AGAP3: variants seen among roughly 807,000 people sequenced by gnomAD.
The protein encoded by AGAP3 is arf-GAP with GTPase, ANK repeat and PH domain-containing protein 3.
AGAP3 carries 24 observed loss-of-function variants against 96.9 expected under a neutral mutation model. That is an observed-to-expected ratio of 0.25 (90% CI 0.18 to 0.35). The LOEUF (loss-of-function observed/expected upper bound fraction) is 0.35, where lower values mean the gene tolerates loss of function less well. AGAP3 is among the 10% of genes least tolerant of loss of function. The pLI, the probability that AGAP3 is intolerant of heterozygous loss-of-function variation, is 1.00. For missense variants in AGAP3, 876 were observed against 1,254.2 expected, an observed-to-expected ratio of 0.70 and a Z score of 4.55; for synonymous variants, 563 against 536.1, an observed-to-expected ratio of 1.05 and a Z score of -0.69.
intron 5 of AGAP3, 180 bp downstream of exon 5, chr7:151,117,957 C>T: frequency 1.1e-6 from 1 of 949,658 alleles, no homozygotes; most frequent in South Asian, 1.8e-5. Context: ...CCACTGAAAC[C>T]TGCTGTCCCT....
At chr7:151,115,026 C>T (rs1226998443) in intron 1 of AGAP3, 1 of 991,512 alleles carries the variant, frequency 1.0e-6, no homozygotes, top group Non-Finnish European at 1.2e-6. Context: ...GCGCCTCGGC[C>T]GCCGGGGCCT....
intron 9 of AGAP3, among the ~76,000 whole-genome samples, chr7:151,126,998 G>A (rs951782363): frequency 6.6e-6 from 1 of 152,214 alleles, no homozygotes; most frequent in Non-Finnish European, 1.5e-5. Flanking sequence ...AATGTGAAAC[G>A]TGCTGGAAAG....
rs1041405549 is a variant in AGAP3, at chr7:151,133,777, C to T, written c.1327-623C>T. Among the ~76,000 whole-genome samples, 1 of 152,144 alleles carries T rather than the reference C, an allele frequency of 6.6e-6. No individual in the cohort carries two copies. Among genetic ancestry groups the T allele is most frequent in the South Asian group, 2.1e-4 (1 of 4,826 alleles). On this transcript the variant is annotated intron_variant, in intron 10 of 17. Coordinates refer to ENST00000397238, the MANE Select transcript of AGAP3 (RefSeq NM_031946.7). This position sits in a 1 kb window ranked among gnomAD's most constrained non-coding sequence, Gnocchi z 5.4. ...GCTGTAGGATGGTAAATACCCTGCA[C>T]GCGACAGGCAGATGACATGACGGCG...
chr7:151,121,275 C>T (rs1383100252), intron 8 of AGAP3, among the ~76,000 whole-genome samples: 1 of 152,158 alleles, frequency 6.6e-6, no homozygotes, highest in African/African-American at 2.4e-5. Flanking sequence ...TGCAGCTGCC[C>T]GGCCCTGACC....
chr7:151,109,289 G>C (rs57938816), intron 1 of AGAP3, among the ~76,000 whole-genome samples: 3,011 of 152,328 alleles, frequency 0.02, 104 homozygotes, highest in African/African-American at 0.069. Flanking sequence ...CTTGAGCTTA[G>C]GAAGTCGAGG....
chr7:151,131,941 C>A (rs1800419933), intron 10 of AGAP3, among the ~76,000 whole-genome samples: 1 of 152,220 alleles, frequency 6.6e-6, no homozygotes, highest in African/African-American at 2.4e-5. Context: ...TTTGGCCCAG[C>A]CAGCTGTTGA....
chr7:151,115,190 C>G (rs1349239819), intron 1 of AGAP3: 5 of 1,008,702 alleles, frequency 5.0e-6, no homozygotes, highest in Non-Finnish European at 5.9e-6. Flanking sequence ...TGGCGGCCGC[C>G]GAGGCGCCGG....
At chr7:151,087,250 C>G (rs528052532) in intron 1 of AGAP3, 178 bp downstream of exon 1, 7 of 675,764 alleles carry the variant, frequency 1.0e-5, no homozygotes, top group Middle Eastern at 2.5e-4. Context: ...TTCGCCATAT[C>G]TCGTTCGGGG....
chr7:151,093,332 G>C (rs1003925117), intron 1 of AGAP3, among the ~76,000 whole-genome samples: 2 of 152,168 alleles, frequency 1.3e-5, no homozygotes, highest in South Asian at 4.2e-4. Flanking sequence ...GTAGAGATGG[G>C]GTCTTGCTAT....
At chr7:151,115,651 C>G in intron 1 of AGAP3, 1 of 1,163,588 alleles carries the variant, frequency 8.6e-7, no homozygotes, top group Non-Finnish European at 1.1e-6. Context: ...GGTAAGGGGG[C>G]GGGCCTGGGG....
At chr7:151,098,763 T>C (rs1798714351) in intron 1 of AGAP3, among the ~76,000 whole-genome samples, 1 of 148,474 alleles carries the variant, frequency 6.7e-6, no homozygotes, top group South Asian at 2.2e-4. Context: ...GAGACAGTCT[T>C]GCTGTGTCAC....
intron 1 of AGAP3, among the ~76,000 whole-genome samples, chr7:151,098,960 T>A (rs1798724469): frequency 6.6e-6 from 1 of 151,664 alleles, no homozygotes; most frequent in Admixed American, 6.6e-5. Context: ...GGTCTCGAAC[T>A]CCTGACCACA....
chr7:151,123,596 C>T (rs1800023600), intron 8 of AGAP3, 198 bp from the exon 9 acceptor site: 1 of 1,431,652 alleles, frequency 7.0e-7, no homozygotes, highest in African/African-American at 1.4e-5. Flanking sequence ...ACCTGTGCTG[C>T]TCTGTATGGT....
chr7:151,116,582 G>A (rs1472924211), intron 1 of AGAP3: 2 of 600,516 alleles, frequency 3.3e-6, no homozygotes, highest in South Asian at 2.0e-5. Flanking sequence ...TCAGAGTCCT[G>A]TTCTGAAGAC....
intron 10 of AGAP3, among the ~76,000 whole-genome samples, chr7:151,129,852 G>A (rs571005983): frequency 6.6e-6 from 1 of 152,360 alleles, no homozygotes; most frequent in Admixed American, 6.5e-5. Context: ...CTTTGTTACT[G>A]TGTACACAGC....
chr7:151,143,758 C>T lies in AGAP3; in HGVS notation c.2551C>T (p.Arg851Trp), dbSNP rs1358568612. The T allele has an allele frequency of 2.5e-6, 4 of 1,614,026 alleles. No homozygotes were observed. Among genetic ancestry groups the T allele is most frequent in the East Asian group, 2.2e-5 (1 of 44,896 alleles). The change falls in exon 18 of 18, where the codon CGG (arginine) becomes TGG (tryptophan). Residue 851 changes from arginine (R) to tryptophan (W), a missense_variant. By Grantham distance (101) the Arg-to-Trp change is moderately radical (BLOSUM62 -3). Around this residue, in one of 8 missense-constraint regions of AGAP3, gnomAD observed 213 missense variants for 253.8 expected, o/e 0.84. Transcript: ENST00000397238. This position sits in a 1 kb window ranked among gnomAD's most constrained non-coding sequence, Gnocchi z 5.9. Reference protein sequence around the residue: ...LIWYGVDVRSRDARGLTPLAY... With the variant: ...LIWYGVDVRSWDARGLTPLAY... ...ACAGTACGGGGTGGACGTGAGGAGC[C>T]GGGACGCCCGGGGCCTGACTCCACT...
chr7:151,130,881 C>T (rs1478722861), intron 10 of AGAP3, among the ~76,000 whole-genome samples: 1 of 152,156 alleles, frequency 6.6e-6, no homozygotes, highest in Non-Finnish European at 1.5e-5. Flanking sequence ...CTCCCCTGGC[C>T]GCCACCTTCC....
At chr7:151,105,596 A>G (rs1799008518) in intron 1 of AGAP3, among the ~76,000 whole-genome samples, 1 of 151,544 alleles carries the variant, frequency 6.6e-6, no homozygotes, top group Non-Finnish European at 1.5e-5. Flanking sequence ...TCTCTACAAA[A>G]AAAAAAAAAA....
At chr7:151,115,420 G>A (rs1350259476) in intron 1 of AGAP3, 1 of 1,009,664 alleles carries the variant, frequency 9.9e-7, no homozygotes, top group East Asian at 9.1e-5. Flanking sequence ...GCGCGCACCC[G>A]TAGCGACGGC....
Sources: allele counts gnomAD v4.1 joint callset (sites outside exome capture counted in the v4.1 genomes callset), GRCh38; gene constraint gnomAD v4.1.1; regional missense constraint gnomAD v4.1.1; non-coding constraint Gnocchi (gnomAD v3.1); transcripts MANE v1.5; gene names NCBI Gene and HGNC (gene_info 2026-07-23, HGNC 2026-07-21).